Variants in WDFY4 observed in about 807,000 individuals in gnomAD.
WDFY4 encodes WD repeat- and FYVE domain-containing protein 4.
Under a neutral mutation model 351.9 loss-of-function variants are expected in WDFY4, and 169 were observed. The observed-to-expected ratio is 0.48, with a 90% CI of 0.42 to 0.55. WDFY4 has a LOEUF of 0.55. WDFY4 is among the 20% of genes least tolerant of loss of function. The pLI, the probability that WDFY4 is intolerant of heterozygous loss-of-function variation, is 0.00. For synonymous variants in WDFY4, 1,622 were observed against 1,574.6 expected (o/e 1.03, Z -0.71); for missense variants, 3,803 against 3,935.6 (o/e 0.97, Z 0.90).
At position 48,810,206 on chromosome 10, in the gene WDFY4, A is replaced by G. The variant is rs571856817; in HGVS notation, c.4839-324A>G. On this transcript the variant is annotated intron_variant, in intron 28 of 61. Coordinates refer to ENST00000325239, the MANE Select transcript of WDFY4 (RefSeq NM_001394531.1). ...AATTAAATTAGATGGGTGGCTAGTC[A>G]TCCACTGTGTAAGTATGAATAGTAG... Among the ~76,000 whole-genome samples the G allele has an allele frequency of 3.3e-5, 5 of 152,338 alleles. No individual in the cohort carries two copies. The South Asian group carries it at 1.0e-3, about 32-fold the overall frequency.
intron 56 of WDFY4, among the ~76,000 whole-genome samples, chr10:48,969,869 C>T (rs1842261361): frequency 6.6e-6 from 1 of 152,192 alleles, no homozygotes; most frequent in Admixed American, 6.5e-5. Context: ...CCCTCCTGAC[C>T]CCCAAGCTAA....
chr10:48,913,891 G>A, intron 47 of WDFY4: 1 of 1,614,186 alleles, frequency 6.2e-7, no homozygotes, highest in East Asian at 2.2e-5. Flanking sequence ...ATGGACTCAG[G>A]CAGCTTGTCT....
intron 47 of WDFY4, among the ~76,000 whole-genome samples, chr10:48,928,578 G>A (rs969169865): frequency 6.6e-6 from 1 of 152,288 alleles, no homozygotes; most frequent in Non-Finnish European, 1.5e-5. Context: ...TATCCTGGGG[G>A]CCAAGAGGAC....
At chr10:48,769,769 G>C (rs571268836) in intron 13 of WDFY4, among the ~76,000 whole-genome samples, 1 of 152,336 alleles carries the variant, frequency 6.6e-6, no homozygotes, top group African/African-American at 2.4e-5. Context: ...AGAGAAAGTG[G>C]GGAACAGAGA....
chr10:48,770,860 C>G (rs1285304970), intron 13 of WDFY4, among the ~76,000 whole-genome samples: 1 of 152,242 alleles, frequency 6.6e-6, no homozygotes, highest in Non-Finnish European at 1.5e-5. Context: ...GGCAAGACCT[C>G]TCCTCCATAT....
At chr10:48,861,763 AT>A (rs1036774645) in intron 39 of WDFY4, among the ~76,000 whole-genome samples, 13 of 150,278 alleles carry the variant, frequency 8.7e-5, no homozygotes, top group South Asian at 4.2e-4. Flanking sequence ...TTTTTCAGCC[AT>A]TTTTTTTTAG....
At chr10:48,897,070 A>G (rs1426669214) in intron 44 of WDFY4, among the ~76,000 whole-genome samples, 1 of 152,074 alleles carries the variant, frequency 6.6e-6, no homozygotes, top group Non-Finnish European at 1.5e-5. Context: ...CACAGGACCC[A>G]TGAAGCCCTC....
At chr10:48,879,227 C>T (rs1001328211) in intron 43 of WDFY4, among the ~76,000 whole-genome samples, 6 of 152,220 alleles carry the variant, frequency 3.9e-5, no homozygotes, top group African/African-American at 1.4e-4. Flanking sequence ...AACTCTACCC[C>T]ACAAGGAACC....
In WDFY4 at chr10:48,826,878, A is replaced by T. The variant is rs1167030761; in HGVS notation, c.6190A>T (p.Met2064Leu). 4.5e-6 allele frequency: 7 copies of T among 1,551,606 alleles called. No individual in the cohort carries two copies. Among genetic ancestry groups the T allele is most frequent in the Admixed American group, 3.9e-5 (2 of 50,982 alleles). ...CAACATCAGCTTCCTCCTGTGTCTC[A>T]TGCATTGCCTTTTGCTACTCAATGA... ...NSNISFLLCLMHCLLLLNERS... is the reference protein window; with the variant it reads ...NSNISFLLCLLHCLLLLNERS... Residue 2064 changes from methionine to leucine, a missense_variant, in exon 36 of 62, where the codon ATG becomes TTG. By Grantham distance (15) the Met-to-Leu change is conservative. Coordinates refer to ENST00000325239, the MANE Select transcript of WDFY4 (RefSeq NM_001394531.1).
In WDFY4 at chr10:48,976,949, C is replaced by T; in HGVS notation, c.9261C>T (p.Ile3087=). The T allele has an allele frequency of 1.3e-6, 2 of 1,499,302 alleles. No homozygotes were observed. Among genetic ancestry groups the T allele is most frequent in the South Asian group, 1.3e-5 (1 of 76,892 alleles). 92.9% of individuals were successfully genotyped at this position (1,499,302 alleles called of 1,614,324 possible). A position where few individuals can be genotyped will look rare whatever the true frequency, so the allele number is the denominator to read the frequency against. Residue 3087 remains isoleucine (I), a synonymous_variant, in exon 59 of 62, where the codon ATC becomes ATT. Coordinates refer to ENST00000325239, the MANE Select transcript of WDFY4 (RefSeq NM_001394531.1). ...CAGCATGGGACACAAGCCAGATCATCATCACCGGGAGTCAAGACGGCATGG... is the reference window on the plus strand; with the variant it reads ...CAGCATGGGACACAAGCCAGATCATTATCACCGGGAGTCAAGACGGCATGG... The part of the protein sequence containing the change: ...EGPAWDTSQI[I]ITGSQDGMVR...
Position 48,736,035 on chromosome 10 carries a change from C to T in WDFY4, c.1843C>T (p.Gln615Ter), listed in dbSNP as rs1363072954. Residue 615 changes from glutamine to a stop codon, truncating the protein, a stop_gained, in exon 11 of 62, where the codon CAA becomes TAA. Transcript: ENST00000325239. LOFTEE classifies it high-confidence loss of function. ...IIVGALCSST[Q>*]GELQLKLDLL... ...TGTGGGTGCTCTATGCTCATCCACT[C>T]AAGGGGAGCTGCAGCTGAAACTGGA... 2 of 1,551,828 alleles carry T rather than the reference C, an allele frequency of 1.3e-6. No individual in the cohort carries two copies. The highest frequency in any genetic ancestry group is 1.7e-6 in the Non-Finnish European group (2 of 1,147,016).
intron 35 of WDFY4, chr10:48,823,445 CT>C: frequency 2.5e-6 from 3 of 1,190,988 alleles, no homozygotes; most frequent in Non-Finnish European, 3.2e-6. Context: ...GTGAAATTGG[CT>C]CCCAGCACCC....
In WDFY4 at chr10:48,742,949, G is replaced by A. The variant is rs1409284370; in HGVS notation, c.1879-19G>A. The A allele has an allele frequency of 6.5e-7, 1 of 1,532,014 alleles. No individual in the cohort carries two copies. The highest frequency in any genetic ancestry group is 8.8e-7 in the Non-Finnish European group (1 of 1,138,432). 94.9% of individuals were successfully genotyped at this position (1,532,014 alleles called of 1,614,324 possible). On this transcript the variant is annotated intron_variant, in intron 11 of 61. Coordinates refer to ENST00000325239, the MANE Select transcript of WDFY4 (RefSeq NM_001394531.1). ...CTACCTCCTGGAGTGCACTCATTTT[G>A]ATTTGCTTGGTGTTTCAGTCTCTGC...
intron 2 of WDFY4, among the ~76,000 whole-genome samples, chr10:48,714,805 G>T (rs1481599809): frequency 6.6e-6 from 1 of 152,240 alleles, no homozygotes; most frequent in Non-Finnish European, 1.5e-5. Context: ...GACAACTTGG[G>T]AGGTGGGACC....
At chr10:48,960,476 C>G (rs181937384) in intron 53 of WDFY4, among the ~76,000 whole-genome samples, 3 of 152,170 alleles carry the variant, frequency 2.0e-5, no homozygotes, top group Non-Finnish European at 4.4e-5. Context: ...GTGGGAAAAG[C>G]AAAACGGTAC....
chr10:48,709,000 A>C (rs1470595414), intron 1 of WDFY4, among the ~76,000 whole-genome samples: 1 of 137,712 alleles, frequency 7.3e-6, no homozygotes, highest in Non-Finnish European at 1.6e-5. Flanking sequence ...AAAAACAAAC[A>C]AACAACACCC....
chr10:48,904,659 T>C (rs1837525132), intron 47 of WDFY4, among the ~76,000 whole-genome samples: 1 of 152,200 alleles, frequency 6.6e-6, no homozygotes, highest in African/African-American at 2.4e-5. Context: ...CAGTCAATCA[T>C]GCAGGAATCC....
At chr10:48,754,127 CAT>C (rs2065260833) in intron 12 of WDFY4, among the ~76,000 whole-genome samples, 1 of 151,954 alleles carries the variant, frequency 6.6e-6, no homozygotes, top group Non-Finnish European at 1.5e-5. Context: ...TTGGTCATGA[CAT>C]ATAATCCTTT....
intron 23 of WDFY4, 121 bp downstream of exon 23, chr10:48,791,038 G>A: frequency 7.9e-7 from 1 of 1,269,350 alleles, no homozygotes; most frequent in Non-Finnish European, 1.1e-6. Flanking sequence ...GAGAAGGGCA[G>A]CCGAAAGCCC....
Sources: gnomAD v4.1 joint callset for allele counts (sites outside exome capture counted in the v4.1 genomes callset) on GRCh38, gnomAD v4.1.1 for gene constraint, MANE v1.5 for transcripts, NCBI Gene and HGNC (gene_info 2026-07-23, HGNC 2026-07-21) for gene names.